The following CD96 variants were observed in gnomAD, a reference collection of about 807,000 sequenced individuals.
CD96 encodes the protein T-cell surface protein tactile.
CD96 carries 70 observed loss-of-function variants against 71.3 expected under a neutral mutation model. The ratio of observed to expected loss-of-function variants is 0.98; its 90% CI spans 0.81 to 1.20. The LOEUF (loss-of-function observed/expected upper bound fraction) is 1.20, where lower values mean the gene tolerates loss of function less well. Among genes scored for constraint, CD96 ranks in the 50% most tolerant of loss-of-function variants. The pLI is 0.00. For missense variants in CD96, 742 were observed against 677.5 expected (o/e 1.10, Z -1.06); for synonymous variants, 248 against 233.0 (o/e 1.06, Z -0.59).
chr3:111,649,659 T>C, intron 13 of CD96, 39 bp from the exon 14 acceptor site: 1 of 1,227,116 alleles, frequency 8.1e-7, no homozygotes, highest in Non-Finnish European at 1.2e-6. Flanking sequence ...TAAGACTCCC[T>C]CAATTCTTAG....
chr3:111,561,524 G>A lies in CD96; in HGVS notation c.419-5999G>A, dbSNP rs1935403680. Among the ~76,000 whole-genome samples, 5 of 147,858 alleles carry A rather than the reference G, an allele frequency of 3.4e-5. No individual in the cohort carries two copies. The South Asian group carries it at 1.2e-3, about 34-fold the overall frequency. Reference sequence around the variant, plus strand: ...GTGCCTCCCAGTTAGGCTGCTCGGGGGTCAGGGGTCAGGGACCCACTTGAG... The same window carrying A: ...GTGCCTCCCAGTTAGGCTGCTCGGGAGTCAGGGGTCAGGGACCCACTTGAG... On this transcript the variant is annotated intron_variant, in intron 2 of 13. Transcript: ENST00000352690.
chr3:111,546,354 G>C (rs1934396701), intron 2 of CD96, among the ~76,000 whole-genome samples: 1 of 152,116 alleles, frequency 6.6e-6, no homozygotes, highest in Non-Finnish European at 1.5e-5. Context: ...ATTTAGTCTA[G>C]GGCAGGTAAA....
At chr3:111,566,548 A>G (rs899135367) in intron 2 of CD96, among the ~76,000 whole-genome samples, 1 of 152,180 alleles carries the variant, frequency 6.6e-6, no homozygotes, top group Non-Finnish European at 1.5e-5. Flanking sequence ...ACATGCATGT[A>G]TGCAAACAAG....
chr3:111,571,797 T>C (rs1394309750), intron 3 of CD96, among the ~76,000 whole-genome samples: 1 of 152,240 alleles, frequency 6.6e-6, no homozygotes, highest in Non-Finnish European at 1.5e-5. Flanking sequence ...ACAATATTGA[T>C]GGCTGTAGGA....
rs1940058090 is a variant in CD96 at position 111,651,139 on chromosome 3, T to C, written c.*1333T>C. ...CACAGGCATCAACACTCTCAAATGA[T>C]TCACATGTTCAGCCAAAGTTGAGAA... On this transcript the variant is annotated 3_prime_UTR_variant, in exon 14 of 14. Transcript: ENST00000352690. 1 of 152,192 alleles carries C rather than the reference T, an allele frequency of 6.6e-6. No homozygotes were observed. The highest frequency in any genetic ancestry group is 1.5e-5 in the Non-Finnish European group (1 of 68,034). 9.4% of individuals were successfully genotyped at this position (152,192 alleles called of 1,614,324 possible). A position where few individuals can be genotyped will look rare whatever the true frequency, so the allele number is the denominator to read the frequency against.
intron 13 of CD96, among the ~76,000 whole-genome samples, chr3:111,649,261 G>C (rs952951700): frequency 6.6e-6 from 1 of 152,190 alleles, no homozygotes; most frequent in African/African-American, 2.4e-5. Flanking sequence ...CTGGTGAAAA[G>C]ACTTGAATTG....
downstream of CD96, among the ~76,000 whole-genome samples, chr3:111,655,912 C>T (rs913141050): frequency 1.3e-5 from 2 of 150,792 alleles, no homozygotes; most frequent in African/African-American, 2.4e-5. Context: ...TATATGTATG[C>T]ATATATACAT....
In CD96 at chr3:111,624,417, C is replaced by T. The variant is rs1309909184; in HGVS notation, c.1321+13C>T. Reference sequence around the variant, plus strand: ...GATACCAAAAAATGTTAAGTATAATCGTGGGTCCCTTGAGTCCTCTGGACT... The same window carrying T: ...GATACCAAAAAATGTTAAGTATAATTGTGGGTCCCTTGAGTCCTCTGGACT... On this transcript the variant is annotated intron_variant, in intron 10 of 13. Transcript: ENST00000352690. The T allele has an allele frequency of 2.0e-6, 3 of 1,537,662 alleles. No individual in the cohort carries two copies. The highest frequency in any genetic ancestry group is 1.8e-6 in the Non-Finnish European group (2 of 1,110,504).
At chr3:111,571,902 A>G (rs886848124) in intron 3 of CD96, among the ~76,000 whole-genome samples, 9 of 152,180 alleles carry the variant, frequency 5.9e-5, no homozygotes, top group African/African-American at 2.2e-4. Flanking sequence ...TTCCTAAATA[A>G]GTGGAGGGAA....
intron 2 of CD96, among the ~76,000 whole-genome samples, chr3:111,546,919 T>TACACACACACAC (rs60838213): frequency 0.028 from 3,903 of 138,144 alleles, 188 homozygotes; most frequent in East Asian, 0.13. Context: ...CACAGACACA[T>TACACACACACAC]ACACACACAC....
At position 111,624,320 on chromosome 3, in the gene CD96, T is replaced by C. The variant is rs370809674; in HGVS notation, c.1250-13T>C. ...GAAAAAAGCTGGATTCTGAAAATAA[T>C]TTTGTCTTTCAGCCAGCAATTCCAG... On this transcript the variant is annotated splice_polypyrimidine_tract_variant and intron_variant, in intron 9 of 13. Coordinates refer to ENST00000352690, the MANE Select transcript of CD96 (RefSeq NM_005816.5). The C allele has an allele frequency of 9.4e-6, 15 of 1,588,456 alleles. No homozygotes were observed. The highest frequency in any genetic ancestry group is 2.2e-5 in the South Asian group (2 of 90,574).
At chr3:111,612,651 T>C (rs1432888526) in intron 8 of CD96, among the ~76,000 whole-genome samples, 2 of 152,362 alleles carry the variant, frequency 1.3e-5, no homozygotes, top group East Asian at 3.9e-4. Context: ...GAGCCAGTAT[T>C]GAGCCCAGAC....
Position 111,567,539 on chromosome 3 carries a change from G to A in CD96, c.435G>A (p.Trp145Ter). The part of the protein sequence containing the change: ...LIQTHVTADE[W>*]NSNHTIEIEI... ...TTGTTACAGTTACAGCAGATGAATG[G>A]AACAGCAACCATACGATAGAAATAG... The change falls in exon 3 of 14, where the codon TGG becomes TGA. Residue 145 changes from tryptophan to a stop codon, truncating the protein, a stop_gained. Transcript: ENST00000352690. LOFTEE classifies it high-confidence loss of function. 1 of 1,604,982 alleles carries A rather than the reference G, an allele frequency of 6.2e-7. No homozygotes were observed. The highest frequency in any genetic ancestry group is 8.5e-7 in the Non-Finnish European group (1 of 1,171,938).
chr3:111,567,382 G>A (rs754432996), intron 2 of CD96, 141 bp from the exon 3 acceptor site: 5 of 673,442 alleles, frequency 7.4e-6, no homozygotes, highest in South Asian at 1.7e-5. Context: ...GGGCTATCGT[G>A]GGAGTTTGCC....
downstream of CD96, among the ~76,000 whole-genome samples, chr3:111,657,305 C>A (rs1940254096): frequency 6.6e-6 from 1 of 152,016 alleles, no homozygotes; most frequent in African/African-American, 2.4e-5. Flanking sequence ...GTAGTCCCAG[C>A]TACTCAGGAG....
chr3:111,579,082 C>T lies in CD96; in HGVS notation c.599C>T (p.Ser200Phe). Residue 200 changes from serine (S) to phenylalanine (F), a missense_variant, in exon 4 of 14, where the codon TCC becomes TTC. By Grantham distance (155) the Ser-to-Phe change is radical (BLOSUM62 -2). Coordinates refer to ENST00000352690, the MANE Select transcript of CD96 (RefSeq NM_005816.5). ...TCCCAAAATCACCTCATCAGCAATTCCACATTACTTAAAGATAGAGTCAAG... is the reference window on the plus strand; with the variant it reads ...TCCCAAAATCACCTCATCAGCAATTTCACATTACTTAAAGATAGAGTCAAG... ...LISQNHLISN[S>F]TLLKDRVKLG... 6.2e-7 allele frequency: 1 copy of T among 1,608,852 alleles called. No individual in the cohort carries two copies. Among genetic ancestry groups the T allele is most frequent in the South Asian group, 1.1e-5 (1 of 90,996 alleles).
At chr3:111,568,811 T>G (rs2107551352) in intron 3 of CD96, among the ~76,000 whole-genome samples, 1 of 152,298 alleles carries the variant, frequency 6.6e-6, no homozygotes, top group South Asian at 2.1e-4. Context: ...GTCAACCAAA[T>G]GGCAGCCAGC....
At chr3:111,548,735 T>C (rs1246943965) in intron 2 of CD96, among the ~76,000 whole-genome samples, 1 of 152,198 alleles carries the variant, frequency 6.6e-6, no homozygotes. Context: ...GAAGTCATGG[T>C]CCTGGAAGTA....
downstream of CD96, among the ~76,000 whole-genome samples, chr3:111,654,753 G>T (rs1021093497): frequency 1.3e-5 from 2 of 152,194 alleles, no homozygotes; most frequent in African/African-American, 4.8e-5. Flanking sequence ...ATGCACATTT[G>T]CCCTGAGTTT....
Sources: gnomAD v4.1 joint callset for allele counts (sites outside exome capture counted in the v4.1 genomes callset) on GRCh38, gnomAD v4.1.1 for gene constraint, MANE v1.5 for transcripts, NCBI Gene and HGNC (gene_info 2026-07-23, HGNC 2026-07-21) for gene names.